The following FIG4 variants were observed in gnomAD, a reference collection of about 807,000 sequenced individuals.
The protein encoded by FIG4 is polyphosphoinositide phosphatase.
FIG4 carries 112 observed loss-of-function variants against 118.6 expected under a neutral mutation model. The observed-to-expected ratio is 0.94, with a 90% CI of 0.81 to 1.11. The LOEUF (loss-of-function observed/expected upper bound fraction) is 1.11, where lower values mean the gene tolerates loss of function less well. FIG4 is among the 50% of genes least tolerant of loss of function. The pLI, the probability that FIG4 is intolerant of heterozygous loss-of-function variation, is 0.00. For missense variants in FIG4, 969 were observed against 1,111.7 expected (o/e 0.87, Z 1.83); for synonymous variants, 369 against 381.2 (o/e 0.97, Z 0.37).
intron 10 of FIG4, among the ~76,000 whole-genome samples, chr6:109,757,370 T>C (rs970889785): frequency 3.2e-4 from 48 of 152,242 alleles, no homozygotes; most frequent in African/African-American, 7.5e-4. Context: ...AAAAACTACA[T>C]GATTATCTCA....
chr6:109,824,348 C>T (rs1583784730), intron 22 of FIG4, among the ~76,000 whole-genome samples: 1 of 152,216 alleles, frequency 6.6e-6, no homozygotes, highest in Admixed American at 6.5e-5. Flanking sequence ...CCTTCTAATA[C>T]ATCCCCAGTG....
At chr6:109,764,338 T>G (rs1777212924) in intron 13 of FIG4, among the ~76,000 whole-genome samples, 1 of 151,704 alleles carries the variant, frequency 6.6e-6, no homozygotes, top group Admixed American at 6.6e-5. Flanking sequence ...CTTGGGAGTC[T>G]GAGGCAGGAG....
intron 3 of FIG4, among the ~76,000 whole-genome samples, chr6:109,725,292 C>T (rs1301025981): frequency 6.6e-6 from 1 of 151,938 alleles, no homozygotes; most frequent in Non-Finnish European, 1.5e-5. Context: ...TGTGATGTTC[C>T]CCTCCCTATG....
intron 10 of FIG4, among the ~76,000 whole-genome samples, chr6:109,759,979 G>T (rs1388817501): frequency 1.3e-5 from 2 of 152,160 alleles, no homozygotes; most frequent in Non-Finnish European, 2.9e-5. Flanking sequence ...GCCCACGTTG[G>T]GTAAGCTGGG....
chr6:109,757,109 T>A (rs926239388), intron 10 of FIG4, among the ~76,000 whole-genome samples: 8 of 152,194 alleles, frequency 5.3e-5, no homozygotes, highest in African/African-American at 1.9e-4. Flanking sequence ...TCTTTATTAG[T>A]CTGGCTAACA....
At position 109,691,508 on chromosome 6, in the gene FIG4, AC is replaced by A. The variant is rs750085102; in HGVS notation, c.66+12del. Reference sequence around the variant, plus strand: ...TCTGTATGAGACTAGAGCTGTGAGTACCCCCTCGCGGCGGGGCGCAGGCGGG... The same window carrying A: ...TCTGTATGAGACTAGAGCTGTGAGTACCCCTCGCGGCGGGGCGCAGGCGGG... On this transcript the variant is annotated splice_region_variant and intron_variant, in intron 1 of 22. Coordinates refer to ENST00000230124, the MANE Select transcript of FIG4 (RefSeq NM_014845.6). The A allele has an allele frequency of 2.5e-6, 4 of 1,569,420 alleles. 1 individual carries two copies. The highest frequency in any genetic ancestry group is 2.3e-5 in the South Asian group (2 of 85,742).
rs7756284 is a variant in FIG4 at position 109,761,853 on chromosome 6, C to T, written c.1272-238C>T. ...GTTATATGCCAAGATTAAGGATCAC[C>T]AATATTTGATATTAAGTTGCAGGTC... On this transcript the variant is annotated intron_variant, in intron 11 of 22. Transcript: ENST00000230124. Among the ~76,000 whole-genome samples the T allele has an allele frequency of 0.3, 45,561 of 152,024 alleles. 7,384 individuals carry two copies. The highest frequency in any genetic ancestry group is 0.37 in the Non-Finnish European group (24,892 of 67,956).
At chr6:109,726,934 G>A (rs1194119586) in intron 3 of FIG4, among the ~76,000 whole-genome samples, 175 bp from the exon 4 acceptor site, 1 of 152,102 alleles carries the variant, frequency 6.6e-6, no homozygotes, top group Non-Finnish European at 1.5e-5. Flanking sequence ...TGAGGTAAAT[G>A]TCAGTATAGA....
At chr6:109,733,092 C>T (rs1427361025) in intron 5 of FIG4, among the ~76,000 whole-genome samples, 1 of 152,042 alleles carries the variant, frequency 6.6e-6, no homozygotes, top group Non-Finnish European at 1.5e-5. Context: ...AGAACTGTTG[C>T]AATACTGATG....
At chr6:109,760,565 A>G (rs745679444) in intron 11 of FIG4, among the ~76,000 whole-genome samples, 182 bp downstream of exon 11, 1 of 152,170 alleles carries the variant, frequency 6.6e-6, no homozygotes, top group Non-Finnish European at 1.5e-5. Flanking sequence ...TTTGCCTATC[A>G]TATATACCAT....
chr6:109,825,410 T>C lies in FIG4; in HGVS notation c.*145T>C. ...CTTGCAAATTCCAAATTATAGCTAATAAAGATGACTAGATAATTTGCTGTT... is the reference window on the plus strand; with the variant it reads ...CTTGCAAATTCCAAATTATAGCTAACAAAGATGACTAGATAATTTGCTGTT... On this transcript the variant is annotated 3_prime_UTR_variant, in exon 23 of 23. Transcript: ENST00000230124. 5.7e-6 allele frequency: 4 copies of C among 703,632 alleles called. No homozygotes were observed. In the South Asian group the frequency reaches 6.3e-5, roughly 11 times the overall value. 43.6% of individuals were successfully genotyped at this position (703,632 alleles called of 1,614,324 possible).
chr6:109,753,739 C>CTGTT (rs1554302853), intron 10 of FIG4, among the ~76,000 whole-genome samples: 3 of 151,708 alleles, frequency 2.0e-5, no homozygotes, highest in African/African-American at 7.3e-5. Flanking sequence ...ATTTGGCTCT[C>CTGTT]TGTCTGTTAT....
chr6:109,693,132 T>C (rs1353578533), intron 1 of FIG4, among the ~76,000 whole-genome samples: 1 of 71,942 alleles, frequency 1.4e-5, no homozygotes, highest in Non-Finnish European at 2.8e-5. Flanking sequence ...AAGTAAACTC[T>C]GAATCCCTTA....
At position 109,817,144 on chromosome 6, in the gene FIG4, T is replaced by G. The variant is rs111252158; in HGVS notation, c.2547-7944T>G. ...CTTTGCCCTTTGAGAACAGCTGTTG[T>G]GTGCTTGATGTACCACCTGTCCTTT... On this transcript the variant is annotated intron_variant, in intron 22 of 22. Transcript: ENST00000230124. Among the ~76,000 whole-genome samples the G allele has an allele frequency of 1.7e-3, 255 of 152,328 alleles. 2 individuals carry two copies. The highest frequency in any genetic ancestry group is 6.8e-3 in the Middle Eastern group (2 of 294).
intron 18 of FIG4, 93 bp from the exon 19 acceptor site, chr6:109,789,501 A>G (rs1778077139): frequency 1.1e-6 from 1 of 928,094 alleles, no homozygotes; most frequent in East Asian, 2.4e-5. Flanking sequence ...TAGAGTTAAG[A>G]AGGAATATTG....
intron 22 of FIG4, among the ~76,000 whole-genome samples, chr6:109,817,307 C>G (rs912786114): frequency 6.6e-6 from 1 of 152,132 alleles, no homozygotes; most frequent in Non-Finnish European, 1.5e-5. Context: ...AACAATGCAG[C>G]CGAATATTGG....
In FIG4 at chr6:109,760,296, T is replaced by G; in HGVS notation, c.1184T>G (p.Val395Gly). 3 of 1,613,716 alleles carry G rather than the reference T, an allele frequency of 1.9e-6. No individual in the cohort carries two copies. Among genetic ancestry groups the G allele is most frequent in the Non-Finnish European group, 2.5e-6 (3 of 1,179,604 alleles). The change falls in exon 11 of 23, where the codon GTT becomes GGT. Residue 395 changes from valine to glycine, a missense_variant. Coordinates refer to ENST00000230124, the MANE Select transcript of FIG4 (RefSeq NM_014845.6). ...KHERILSEEL[V>G]AAVTYLNQFL... ...GAAAGAATTCTGAGTGAAGAACTTG[T>G]TGCTGCTGTGACCTATCTCAACCAA...
At chr6:109,782,179 C>T (rs1777825893) in intron 16 of FIG4, among the ~76,000 whole-genome samples, 1 of 152,174 alleles carries the variant, frequency 6.6e-6, no homozygotes, top group Non-Finnish European at 1.5e-5. Context: ...GTGACACTAA[C>T]TTGCAATCTC....
rs894046813 is a variant in FIG4, at chr6:109,749,313, C to T, written c.1137+5541C>T. On this transcript the variant is annotated intron_variant, in intron 10 of 22. Transcript: ENST00000230124. ...TATTAATTCAGAAGTTTCATGTTCA[C>T]ATCTCTCTCCATATCAACTCAGAAT... 5.3e-5 allele frequency among the ~76,000 whole-genome samples: 8 copies of T among 152,150 alleles called. No individual in the cohort carries two copies. The South Asian group carries it at 1.2e-3, about 24-fold the overall frequency.
Sources: allele counts gnomAD v4.1 joint callset (sites outside exome capture counted in the v4.1 genomes callset), GRCh38; gene constraint gnomAD v4.1.1; transcripts MANE v1.5; gene names NCBI Gene and HGNC (gene_info 2026-07-23, HGNC 2026-07-21).